The following MDN1 variants were observed in gnomAD, a reference collection of about 807,000 sequenced individuals.
MDN1 encodes midasin AAA ATPase 1, also known as midasin.
In MDN1, 266 loss-of-function variants were observed where a neutral mutation model predicts 669.2. The ratio of observed to expected loss-of-function variants is 0.40; its 90% CI spans 0.36 to 0.44. The LOEUF (loss-of-function observed/expected upper bound fraction) is 0.44, where lower values mean the gene tolerates loss of function less well. Ranked by LOEUF, MDN1 falls within the 20% of genes least tolerant of loss-of-function variation. The probability of loss-of-function intolerance (pLI) is 1.00; values close to 1 mark genes in which losing one functional copy is unlikely to be tolerated. For synonymous variants in MDN1, 2,385 were observed against 2,457.1 expected, an observed-to-expected ratio of 0.97 and a Z score of 0.87; for missense variants, 5,940 against 6,754.0, an observed-to-expected ratio of 0.88 and a Z score of 4.22.
At chr6:89,697,091 G>A (rs1812808501) in intron 59 of MDN1, among the ~76,000 whole-genome samples, 2 of 152,124 alleles carry the variant, frequency 1.3e-5, no homozygotes, top group Non-Finnish European at 2.9e-5. Context: ...GGCTTTGAGG[G>A]GTGTTTTACA....
At chr6:89,664,075 G>A (rs1810011033) in intron 85 of MDN1, among the ~76,000 whole-genome samples, 1 of 152,156 alleles carries the variant, frequency 6.6e-6, no homozygotes, top group African/African-American at 2.4e-5. Context: ...GGCCTGAGGG[G>A]GGATCTATTT....
At position 89,664,479 on chromosome 6, in the gene MDN1, T is replaced by A; in HGVS notation, c.14236+8A>T. Reference sequence around the variant, plus strand: ...AAAACAAGAATGAAGTGACAGATAATCTGAAACCTTGTTCTTCAAGCTCCC... The same window carrying A: ...AAAACAAGAATGAAGTGACAGATAAACTGAAACCTTGTTCTTCAAGCTCCC... On this transcript the variant is annotated splice_region_variant and intron_variant, in intron 85 of 101. Coordinates refer to ENST00000369393, the MANE Select transcript of MDN1 (RefSeq NM_014611.3). The A allele has an allele frequency of 6.2e-7, 1 of 1,613,320 alleles. No homozygotes were observed. The highest frequency in any genetic ancestry group is 8.5e-7 in the Non-Finnish European group (1 of 1,179,830).
At chr6:89,780,363 A>T (rs1399182754) in intron 10 of MDN1, 70 bp from the exon 11 acceptor site, 13 of 947,930 alleles carry the variant, frequency 1.4e-5, no homozygotes, top group Non-Finnish European at 2.0e-5. Context: ...AGGCATCAGA[A>T]TTTATTGACC....
At chr6:89,686,003 T>TAG in intron 69 of MDN1, 30 bp from the exon 70 acceptor site, 1 of 1,604,382 alleles carries the variant, frequency 6.2e-7, no homozygotes, top group Non-Finnish European at 8.5e-7. Flanking sequence ...AAAATATATA[T>TAG]GTTCCTTCGA....
At chr6:89,703,504 A>G (rs1813309784) in intron 53 of MDN1, among the ~76,000 whole-genome samples, 2 of 152,236 alleles carry the variant, frequency 1.3e-5, no homozygotes, top group African/African-American at 4.8e-5. Context: ...TGGCTCTTTG[A>G]ATAATGCATT....
chr6:89,652,255 T>C lies in MDN1; in HGVS notation c.15852A>G (p.Leu5284=). 1 of 1,613,970 alleles carries C rather than the reference T, an allele frequency of 6.2e-7. No individual in the cohort carries two copies. Residue 5284 remains leucine (L), a synonymous_variant, in exon 95 of 102, where the codon CTA becomes CTG. Coordinates refer to ENST00000369393, the MANE Select transcript of MDN1 (RefSeq NM_014611.3). The part of the protein sequence containing the change: ...FQPFLKDVNE[L]RQELERQLEM... The stretch of plus-strand genomic sequence containing the variant: ...CCAGCTGTCTCTCCAGCTCCTGTCT[T>C]AGCTCATTGACATCTTTTAAAAAGG...
intron 26 of MDN1, among the ~76,000 whole-genome samples, chr6:89,748,073 T>A (rs1182925774): frequency 6.6e-6 from 1 of 151,736 alleles, no homozygotes; most frequent in Non-Finnish European, 1.5e-5. Context: ...ACACCTGTAA[T>A]CCCAGCACTT....
At chr6:89,655,564 C>A (rs1355216460) in intron 92 of MDN1, among the ~76,000 whole-genome samples, 200 bp downstream of exon 92, 1 of 152,144 alleles carries the variant, frequency 6.6e-6, no homozygotes, top group Non-Finnish European at 1.5e-5. Flanking sequence ...GTTTACAAAG[C>A]CATTTCCTCT....
chr6:89,664,382 T>C, intron 85 of MDN1, 105 bp downstream of exon 85: 1 of 1,435,328 alleles, frequency 7.0e-7, no homozygotes, highest in Non-Finnish European at 9.6e-7. Context: ...AGTAACCAAC[T>C]TGTTTCAAAA....
chr6:89,736,001 AAAAT>A (rs954413009), intron 33 of MDN1, among the ~76,000 whole-genome samples: 5 of 152,220 alleles, frequency 3.3e-5, no homozygotes, highest in African/African-American at 1.2e-4. Context: ...GTGTCTCAAA[AAAAT>A]AAATAAATTC....
At chr6:89,723,690 G>C (rs1814996200) in intron 38 of MDN1, 71 bp from the exon 39 acceptor site, 4 of 766,668 alleles carry the variant, frequency 5.2e-6, no homozygotes, top group Non-Finnish European at 8.0e-6. Flanking sequence ...TGACTACCAT[G>C]TCTTATTATG....
At position 89,772,602 on chromosome 6, in the gene MDN1, G is replaced by C. The variant is rs1424690915; in HGVS notation, c.2054C>G (p.Ser685Cys). The C allele has an allele frequency of 1.2e-6, 2 of 1,614,126 alleles. No individual in the cohort carries two copies. The highest frequency in any genetic ancestry group is 1.3e-5 in the African/African-American group (1 of 75,050). ...AATGTGAGCCAAGTATTGGATGGTA[G>C]AGGTTTTGCCAGTCCCGGTCTCTCC... is the stretch of plus-strand genomic sequence containing the variant. Reference protein sequence around the residue: ...LVGETGTGKTSTIQYLAHITG... With the variant: ...LVGETGTGKTCTIQYLAHITG... Residue 685 changes from serine (S) to cysteine (C), a missense_variant, in exon 14 of 102, where the codon TCT (serine) becomes TGT (cysteine). Around this residue, in one of 5 missense-constraint regions of MDN1, gnomAD observed 1,203 missense variants for 1,268.9 expected, o/e 0.95. Transcript: ENST00000369393.
chr6:89,710,749 T>C lies in MDN1; in HGVS notation c.7697A>G (p.Asn2566Ser), dbSNP rs1430438088. 6.2e-7 allele frequency: 1 copy of C among 1,602,034 alleles called. No homozygotes were observed. Among genetic ancestry groups the C allele is most frequent in the Non-Finnish European group, 8.5e-7 (1 of 1,175,650 alleles). ...ACCTGAGAGGGAATGTGAGTAAAAA[T>C]TCCTGAGAGATGCAGCACTGGCTTC... ...HLEASAASLRNFYSHSLSGAV... is the reference protein window; with the variant it reads ...HLEASAASLRSFYSHSLSGAV... The change falls in exon 50 of 102, where the codon AAT becomes AGT. Residue 2566 changes from asparagine (N) to serine (S), a missense_variant. Asn to Ser is a conservative substitution (Grantham distance 46). Coordinates refer to ENST00000369393, the MANE Select transcript of MDN1 (RefSeq NM_014611.3).
At chr6:89,661,072 C>T (rs1809723386) in intron 88 of MDN1, among the ~76,000 whole-genome samples, 1 of 152,170 alleles carries the variant, frequency 6.6e-6, no homozygotes. Flanking sequence ...AACTGGACTC[C>T]ACGACAGCTT....
chr6:89,784,287 G>A (rs1246907502), intron 9 of MDN1, among the ~76,000 whole-genome samples: 1 of 152,068 alleles, frequency 6.6e-6, no homozygotes, highest in Non-Finnish European at 1.5e-5. Context: ...TTGCACTCCA[G>A]CCTGGGCAAC....
chr6:89,686,975 T>C lies in MDN1; in HGVS notation c.11499A>G (p.Lys3833=). Residue 3833 remains lysine (K), a synonymous_variant, in exon 69 of 102, where the codon AAA becomes AAG. Transcript: ENST00000369393. ...AGATGGAGAACCAGTGCTTGGTGGA[T>C]TTCTCGGTGTGGCGCTTCATAGTAT... ...LDNTMKRHTE[K]STKHWFSIYQ... The C allele has an allele frequency of 1.2e-6, 2 of 1,614,010 alleles. No individual in the cohort carries two copies. The highest frequency in any genetic ancestry group is 1.3e-5 in the African/African-American group (1 of 75,018).
chr6:89,693,552 A>G (rs1026702753), intron 62 of MDN1, among the ~76,000 whole-genome samples: 1 of 152,204 alleles, frequency 6.6e-6, no homozygotes, highest in African/African-American at 2.4e-5. Context: ...CCCAAATCCA[A>G]ATATCCAAAA....
At chr6:89,705,345 A>G (rs1813442354) in intron 53 of MDN1, among the ~76,000 whole-genome samples, 1 of 152,180 alleles carries the variant, frequency 6.6e-6, no homozygotes, top group South Asian at 2.1e-4. Flanking sequence ...GAGAACCTTT[A>G]AGAGTATAGA....
chr6:89,756,803 C>G (rs962298936), intron 19 of MDN1, among the ~76,000 whole-genome samples: 21 of 151,966 alleles, frequency 1.4e-4, no homozygotes, highest in Middle Eastern at 6.8e-3. Context: ...TGCCTGTAGT[C>G]CCAGCTAATA....
Sources: gnomAD v4.1 joint callset for allele counts (sites outside exome capture counted in the v4.1 genomes callset) on GRCh38, gnomAD v4.1.1 for gene constraint, gnomAD v4.1.1 regional missense constraint, MANE v1.5 for transcripts, NCBI Gene and HGNC (gene_info 2026-07-23, HGNC 2026-07-21) for gene names.